SSBP2: variants seen among roughly 807,000 people sequenced by gnomAD.
SSBP2 encodes the protein single stranded DNA binding protein 2.
In SSBP2, 17 loss-of-function variants were observed where a neutral mutation model predicts 61.8. The ratio of observed to expected loss-of-function variants is 0.28; its 90% CI spans 0.19 to 0.41. SSBP2 has a LOEUF of 0.41. SSBP2 is among the 10% of genes least tolerant of loss of function. The probability of loss-of-function intolerance (pLI) is 1.00; values close to 1 mark genes in which losing one functional copy is unlikely to be tolerated. For synonymous variants in SSBP2, 139 were observed against 141.3 expected (o/e 0.98, Z 0.12); for missense variants, 310 against 458.7 (o/e 0.68, Z 2.96).
At chr5:81,637,693 C>A (rs1748365852) in intron 2 of SSBP2, among the ~76,000 whole-genome samples, 1 of 152,110 alleles carries the variant, frequency 6.6e-6, no homozygotes, top group Non-Finnish European at 1.5e-5. Context: ...GAGGAAAAAA[C>A]TGGTTAGTAC....
intron 4 of SSBP2, among the ~76,000 whole-genome samples, chr5:81,572,174 G>T (rs954476928): frequency 6.6e-5 from 10 of 152,024 alleles, no homozygotes; most frequent in African/African-American, 2.4e-4. Flanking sequence ...ATAAGTTAAT[G>T]GGTTTCCTGA....
intron 3 of SSBP2, among the ~76,000 whole-genome samples, chr5:81,623,809 T>G (rs1438317603): frequency 1.3e-5 from 2 of 152,180 alleles, no homozygotes; most frequent in Non-Finnish European, 1.5e-5. Context: ...TCTACTTCTA[T>G]TTCTATGTTT....
At chr5:81,605,147 GATTCA>G (rs1744750604) in intron 4 of SSBP2, among the ~76,000 whole-genome samples, 1 of 151,994 alleles carries the variant, frequency 6.6e-6, no homozygotes, top group Non-Finnish European at 1.5e-5. Context: ...TGTTTTAACT[GATTCA>G]ATTCATTGAC....
chr5:81,568,912 A>C (rs1773639945), intron 4 of SSBP2, among the ~76,000 whole-genome samples: 1 of 152,168 alleles, frequency 6.6e-6, no homozygotes, highest in Non-Finnish European at 1.5e-5. Flanking sequence ...AATGTTCTGA[A>C]TGGTAGAGAA....
chr5:81,726,684 C>G lies in SSBP2; in HGVS notation c.62+24297G>C, dbSNP rs78996891. On this transcript the variant is annotated intron_variant, in intron 1 of 16. Transcript: ENST00000320672. ...TTTTCAACAAATATCCCACTTTTCT[C>G]CAAGATAAATCCTCTCTTCCAGTCA... is the stretch of plus-strand genomic sequence containing the variant. Among the ~76,000 whole-genome samples the G allele has an allele frequency of 5.0e-3, 756 of 152,248 alleles. 2 individuals carry two copies. The highest frequency in any genetic ancestry group is 0.016 in the African/African-American group (684 of 41,546).
chr5:81,690,808 A>G (rs1042702197), intron 1 of SSBP2, among the ~76,000 whole-genome samples: 2 of 152,164 alleles, frequency 1.3e-5, no homozygotes, highest in Admixed American at 1.3e-4. Flanking sequence ...AACAGACCAT[A>G]TGTTAGGCCA....
At chr5:81,545,906 T>C (rs1771694294) in intron 4 of SSBP2, among the ~76,000 whole-genome samples, 1 of 152,204 alleles carries the variant, frequency 6.6e-6, no homozygotes, top group African/African-American at 2.4e-5. Flanking sequence ...GAATCCAATG[T>C]CCACTCCATT....
chr5:81,592,144 C>A (rs1027786630), intron 4 of SSBP2, among the ~76,000 whole-genome samples: 2 of 152,220 alleles, frequency 1.3e-5, no homozygotes, highest in East Asian at 3.8e-4. Flanking sequence ...CCTAATACTG[C>A]GCTTTTCCAA....
At chr5:81,457,469 G>A (rs1168058919) in intron 10 of SSBP2, among the ~76,000 whole-genome samples, 1 of 152,164 alleles carries the variant, frequency 6.6e-6, no homozygotes, top group Non-Finnish European at 1.5e-5. Flanking sequence ...GCAGATGAAA[G>A]TATAAGGAGG....
chr5:81,704,365 T>A (rs1462258416), intron 1 of SSBP2, among the ~76,000 whole-genome samples: 5 of 152,210 alleles, frequency 3.3e-5, no homozygotes, highest in Middle Eastern at 3.2e-3. Context: ...TCTGTTCAGT[T>A]CTACCACTTA....
chr5:81,704,607 C>T (rs34867744), intron 1 of SSBP2, among the ~76,000 whole-genome samples: 6,561 of 151,998 alleles, frequency 0.043, 203 homozygotes, highest in Non-Finnish European at 0.067. Context: ...ACCAGCCTGG[C>T]CAATATGGCG....
At chr5:81,601,739 T>G (rs1476200022) in intron 4 of SSBP2, among the ~76,000 whole-genome samples, 1 of 152,162 alleles carries the variant, frequency 6.6e-6, no homozygotes, top group Non-Finnish European at 1.5e-5. Flanking sequence ...CAAAGCATCT[T>G]CCTAATTACA....
rs34470032 is a variant in SSBP2, at chr5:81,714,930, A to AT, written c.62+36050dup. Among the ~76,000 whole-genome samples, 110 of 150,844 alleles carry AT rather than the reference A, an allele frequency of 7.3e-4. 1 individual carries two copies. The highest frequency in any genetic ancestry group is 5.5e-3 in the East Asian group (28 of 5,132). ...AGCTTCTGCACAGTGAAAGAACTGG[A>AT]TTTTTTTTTTAAGTAGGAGGTCCAG... On this transcript the variant is annotated intron_variant, in intron 1 of 16. Transcript: ENST00000320672.
intron 16 of SSBP2, among the ~76,000 whole-genome samples, chr5:81,426,671 AG>A (rs1320218185): frequency 3.3e-5 from 5 of 152,232 alleles, no homozygotes; most frequent in Non-Finnish European, 2.9e-5. Flanking sequence ...ATTCTGTGCA[AG>A]GAAGTTCTCC....
At chr5:81,709,625 T>C (rs963330599) in intron 1 of SSBP2, among the ~76,000 whole-genome samples, 3 of 151,908 alleles carry the variant, frequency 2.0e-5, no homozygotes, top group Admixed American at 6.6e-5. Context: ...ATTTGAGCTC[T>C]AAGAATTTAA....
chr5:81,637,616 C>A (rs559520440), intron 2 of SSBP2, among the ~76,000 whole-genome samples: 1 of 152,310 alleles, frequency 6.6e-6, no homozygotes, highest in South Asian at 2.1e-4. Context: ...CTTAAATCTT[C>A]TGTGACTCAG....
rs145249036 is a variant in SSBP2 at position 81,453,013 on chromosome 5, G to T, written c.688-4188C>A. Among the ~76,000 whole-genome samples, 565 of 152,094 alleles carry T rather than the reference G, an allele frequency of 3.7e-3. 3 individuals carry two copies. Among genetic ancestry groups the T allele is most frequent in the Non-Finnish European group, 4.4e-3 (302 of 67,976 alleles). Reference sequence around the variant, plus strand: ...ACATTGCCAATTAAGAATGGGTGGAGACCAGGCATGGCAGCTCACACGTGT... The same window carrying T: ...ACATTGCCAATTAAGAATGGGTGGATACCAGGCATGGCAGCTCACACGTGT... On this transcript the variant is annotated intron_variant, in intron 10 of 16. Coordinates refer to ENST00000320672, the MANE Select transcript of SSBP2 (RefSeq NM_012446.5).
chr5:81,434,014 C>T (rs1418063911), intron 15 of SSBP2, among the ~76,000 whole-genome samples: 1 of 152,182 alleles, frequency 6.6e-6, no homozygotes, highest in Non-Finnish European at 1.5e-5. Context: ...CGATTCTCAA[C>T]AATTTTATGA....
chr5:81,677,569 G>C (rs1752078101), intron 1 of SSBP2, among the ~76,000 whole-genome samples: 1 of 152,118 alleles, frequency 6.6e-6, no homozygotes, highest in South Asian at 2.1e-4. Flanking sequence ...CCACACTTTT[G>C]CAAGTTTTAT....
Sources: gnomAD v4.1 joint callset for allele counts (sites outside exome capture counted in the v4.1 genomes callset) on GRCh38, gnomAD v4.1.1 for gene constraint, MANE v1.5 for transcripts, NCBI Gene and HGNC (gene_info 2026-07-23, HGNC 2026-07-21) for gene names.